The following CIST1 variants were observed in gnomAD, a reference collection of about 807,000 sequenced individuals.
The protein encoded by CIST1 is uncharacterized LOC729966.
chr19:18,251,499 A>C, the CIST1 span, among the ~76,000 whole-genome samples: 1 of 151,360 alleles, frequency 6.6e-6, no homozygotes, highest in Non-Finnish European at 1.5e-5. Context: ...CAGTGGCACG[A>C]TCTCAGCTCA....
chr19:18,252,441 G>A, the CIST1 span: 5 of 398,982 alleles, frequency 1.3e-5, no homozygotes, highest in African/African-American at 1.0e-4. Context: ...GACAGGTGAT[G>A]TCTCCATACT....
the CIST1 span, chr19:18,250,009 A>G: frequency 2.5e-6 from 1 of 397,952 alleles, no homozygotes; most frequent in Non-Finnish European, 4.4e-6. Context: ...ACACGAGTCC[A>G]TAACTCGTGT....
At chr19:18,250,377 C>T in the CIST1 span, 19 of 399,166 alleles carry the variant, frequency 4.8e-5, no homozygotes, top group East Asian at 2.8e-4. Context: ...ACAGCCATGA[C>T]CACAGACCCG....
chr19:18,252,328 G>A, the CIST1 span: 2 of 399,068 alleles, frequency 5.0e-6, no homozygotes, highest in Admixed American at 4.4e-5. Context: ...GGGCTGAGGT[G>A]GGTTATGGAG....
At chr19:18,251,877 A>G in the CIST1 span, among the ~76,000 whole-genome samples, 1 of 151,890 alleles carries the variant, frequency 6.6e-6, no homozygotes, top group African/African-American at 2.4e-5. Context: ...CTGCGTGCCC[A>G]GCCGTGACAT....
chr19:18,253,991 G>T, the CIST1 span, among the ~76,000 whole-genome samples: 1 of 152,170 alleles, frequency 6.6e-6, no homozygotes, highest in Non-Finnish European at 1.5e-5. Context: ...CAGAAATGCG[G>T]AAATAACACA....
At chr19:18,250,051 G>T in the CIST1 span, 1 of 398,730 alleles carries the variant, frequency 2.5e-6, no homozygotes, top group Non-Finnish European at 4.4e-6. Context: ...AATGGTAGGG[G>T]CTTTATTTCC....
the CIST1 span, among the ~76,000 whole-genome samples, chr19:18,250,747 C>T: frequency 6.6e-6 from 1 of 151,768 alleles, no homozygotes; most frequent in African/African-American, 2.4e-5. Flanking sequence ...GCTAGGATTA[C>T]AGGCATGCAC....
the CIST1 span, chr19:18,250,124 C>T: frequency 2.5e-6 from 1 of 398,774 alleles, no homozygotes; most frequent in Non-Finnish European, 4.4e-6. Context: ...GTTGGCTCCT[C>T]AGGGCTCACT....
the CIST1 span, among the ~76,000 whole-genome samples, chr19:18,254,279 A>C: frequency 6.6e-6 from 1 of 152,182 alleles, no homozygotes; most frequent in African/African-American, 2.4e-5. Flanking sequence ...ACCCCAAGCC[A>C]AGTCAGAATT....
the CIST1 span, chr19:18,252,254 T>C: frequency 1.5e-5 from 6 of 398,872 alleles, no homozygotes; most frequent in Admixed American, 2.2e-4. Flanking sequence ...GGGAGGAGGG[T>C]ATCATCCTTG....
At chr19:18,251,890 A>G in the CIST1 span, among the ~76,000 whole-genome samples, 1 of 151,874 alleles carries the variant, frequency 6.6e-6, no homozygotes, top group Non-Finnish European at 1.5e-5. Flanking sequence ...CGTGACATAC[A>G]CTAGGCACTT....
At chr19:18,250,253 C>T in the CIST1 span, 1 of 399,066 alleles carries the variant, frequency 2.5e-6, no homozygotes, top group Non-Finnish European at 4.4e-6. Context: ...CTTGGGATAG[C>T]AGCTCCCCCA....
the CIST1 span, chr19:18,252,455 C>T: frequency 5.0e-6 from 2 of 399,008 alleles, no homozygotes; most frequent in Non-Finnish European, 8.8e-6. Flanking sequence ...CCATACTGTT[C>T]TCTGAGGTCA....
the CIST1 span, among the ~76,000 whole-genome samples, chr19:18,254,316 GAGGA>G: frequency 3.2e-4 from 48 of 152,222 alleles, no homozygotes; most frequent in African/African-American, 1.1e-3. Flanking sequence ...TTAGTGAACT[GAGGA>G]AAAGCTGTGG....
chr19:18,250,262 C>A, the CIST1 span: 7 of 398,974 alleles, frequency 1.8e-5, no homozygotes, highest in African/African-American at 2.1e-5. Context: ...GCAGCTCCCC[C>A]AACCATGCCT....
At chr19:18,251,703 T>TCGCCCCCGCCCCCGCCCC in the CIST1 span, among the ~76,000 whole-genome samples, 1 of 68,804 alleles carries the variant, frequency 1.5e-5, no homozygotes. Flanking sequence ...GCCCCCGCCC[T>TCGCCCCCGCCCCCGCCCC]CGGCCTCCCA....
chr19:18,253,280 G>A, the CIST1 span, among the ~76,000 whole-genome samples: 1 of 152,330 alleles, frequency 6.6e-6, no homozygotes, highest in African/African-American at 2.4e-5. Context: ...CTACTGGGGA[G>A]GCTGAGGCGG....
the CIST1 span, chr19:18,252,591 CCTCT>C: frequency 1.2e-3 from 420 of 354,628 alleles, 1 homozygote; most frequent in East Asian, 0.014. Context: ...ATAGCGAGAC[CCTCT>C]CTCTCTCTCT....
Sources: gnomAD v4.1 joint callset for allele counts (sites outside exome capture counted in the v4.1 genomes callset) on GRCh38, gnomAD v4.1.1 for gene constraint, MANE v1.5 for transcripts, NCBI Gene and HGNC (gene_info 2026-07-23, HGNC 2026-07-21) for gene names.